The following TAC4 variants were observed in gnomAD, a reference collection of about 807,000 sequenced individuals.
TAC4 encodes the protein tachykinin-4.
TAC4 carries 17 observed loss-of-function variants against 17.7 expected under a neutral mutation model. The observed-to-expected ratio is 0.96, with a 90% CI of 0.66 to 1.44. The LOEUF (loss-of-function observed/expected upper bound fraction) is 1.44, where lower values mean the gene tolerates loss of function less well. Ranked by LOEUF, TAC4 falls within the 40% of genes most tolerant of loss-of-function variation. The pLI, the probability that TAC4 is intolerant of heterozygous loss-of-function variation, is 0.00. For synonymous variants in TAC4, 62 were observed against 52.4 expected (o/e 1.18, Z -0.79); for missense variants, 118 against 125.6 (o/e 0.94, Z 0.29).
At chr17:49,840,488 A>G (rs2074488563) in intron 3 of TAC4, among the ~76,000 whole-genome samples, 1 of 151,864 alleles carries the variant, frequency 6.6e-6, no homozygotes, top group Non-Finnish European at 1.5e-5. Flanking sequence ...TGGAGGGTAC[A>G]GGTTGGTTAC....
At chr17:49,846,906 G>A (rs926289173) in intron 1 of TAC4, 3 of 1,237,088 alleles carry the variant, frequency 2.4e-6, no homozygotes, top group Non-Finnish European at 3.1e-6. Context: ...AGCCTTGGGG[G>A]GTCACTTCCC....
chr17:49,839,062 TC>T (rs781770709), intron 4 of TAC4, among the ~76,000 whole-genome samples: 11 of 152,196 alleles, frequency 7.2e-5, no homozygotes, highest in Non-Finnish European at 1.6e-4. Context: ...CTCCTAGTAT[TC>T]CTGCCCACAC....
chr17:49,841,520 G>A (rs368046203), intron 3 of TAC4, 32 bp downstream of exon 3: 49 of 1,558,904 alleles, frequency 3.1e-5, no homozygotes, highest in Non-Finnish European at 4.1e-5. Flanking sequence ...TCCCTAGGGG[G>A]CATGTTGAAG....
intron 3 of TAC4, among the ~76,000 whole-genome samples, chr17:49,840,120 C>T (rs1464508881): frequency 1.3e-5 from 2 of 152,242 alleles, no homozygotes; most frequent in Non-Finnish European, 2.9e-5. Context: ...ATTCCCTCCT[C>T]CCCCTCCTCC....
intron 1 of TAC4, chr17:49,847,173 G>A: frequency 7.8e-7 from 1 of 1,290,092 alleles, no homozygotes; most frequent in Non-Finnish European, 1.0e-6. Flanking sequence ...GGGAATGGGA[G>A]GAGTCAGGCC....
Position 49,839,905 on chromosome 17 carries a change from A to C in TAC4, c.237T>G (p.Tyr79Ter). Residue 79 changes from tyrosine (Y) to a stop codon, truncating the protein, a stop_gained, in exon 4 of 5, where the codon TAT becomes TAG. Transcript: ENST00000436235. LOFTEE classifies it high-confidence loss of function. ...GGCCCTGGAACGTGTGTTCCAGCTG[A>C]TATGCTGGTGGTGGGAGAGAGAAGT... Reference protein sequence around the residue: ...PLIQPRRKKAYQLEHTFQGLL... With the variant: ...PLIQPRRKKA 6.2e-7 allele frequency: 1 copy of C among 1,611,650 alleles called. No homozygotes were observed. Among genetic ancestry groups the C allele is most frequent in the Admixed American group, 1.7e-5 (1 of 59,644 alleles).
At chr17:49,846,968 G>T in intron 1 of TAC4, 1 of 1,289,630 alleles carries the variant, frequency 7.8e-7, no homozygotes, top group Non-Finnish European at 1.0e-6. Flanking sequence ...GCAGGCATCA[G>T]TGGAGACACT....
intron 1 of TAC4, chr17:49,847,704 C>CAG (rs995550972): frequency 7.8e-6 from 5 of 639,810 alleles, no homozygotes; most frequent in African/African-American, 3.7e-5. Flanking sequence ...CACACACACA[C>CAG]ACACACACAC....
chr17:49,840,745 CA>C (rs2074491224), intron 3 of TAC4, among the ~76,000 whole-genome samples: 2 of 149,790 alleles, frequency 1.3e-5, no homozygotes, highest in Admixed American at 6.6e-5. Context: ...TCAGGTGATC[CA>C]CCTGCCTCGG....
rs2074519298 is a variant in TAC4 at position 49,844,162 on chromosome 17, A to G, written c.106-5T>C. 6.2e-7 allele frequency: 1 copy of G among 1,613,426 alleles called. No homozygotes were observed. The highest frequency in any genetic ancestry group is 1.3e-5 in the African/African-American group (1 of 74,904). On this transcript the variant is annotated splice_region_variant and splice_polypyrimidine_tract_variant and intron_variant, in intron 1 of 4. Transcript: ENST00000436235. Reference sequence around the variant, plus strand: ...AATGCTGGGGCCAGCGCCTTCCTGAAGAAGCAGAGAGTTAGTGTTAGAGTT... The same window carrying G: ...AATGCTGGGGCCAGCGCCTTCCTGAGGAAGCAGAGAGTTAGTGTTAGAGTT...
chr17:49,847,692 GACACACACACACACACACACAC>G (rs150685532), intron 1 of TAC4, 199 bp downstream of exon 1: 1 of 433,062 alleles, frequency 2.3e-6, no homozygotes, highest in Non-Finnish European at 4.4e-6. Context: ...CACACACACA[GACACACACACACACACACACAC>G]ACACACACAC....
chr17:49,840,973 G>A (rs1404490272), intron 3 of TAC4, among the ~76,000 whole-genome samples: 1 of 140,002 alleles, frequency 7.1e-6, no homozygotes, highest in African/African-American at 2.7e-5. Context: ...CCTGCCTCCT[G>A]GGTTCAAGTG....
chr17:49,847,749 G>T, intron 1 of TAC4, 164 bp downstream of exon 1: 3 of 1,154,242 alleles, frequency 2.6e-6, no homozygotes, highest in Non-Finnish European at 3.7e-6. Context: ...CCAGGCCAGG[G>T]CTCATAGCCT....
intron 1 of TAC4, chr17:49,847,237 T>C (rs1598107367): frequency 1.2e-5 from 15 of 1,290,014 alleles, no homozygotes; most frequent in African/African-American, 1.5e-5. Flanking sequence ...TGGCCTCTTA[T>C]TTACCCGTCT....
chr17:49,842,801 C>A (rs537986791), intron 2 of TAC4, among the ~76,000 whole-genome samples: 47 of 152,316 alleles, frequency 3.1e-4, no homozygotes, highest in African/African-American at 1.1e-3. Context: ...CCTTCTAGAA[C>A]TTTCCCCATG....
rs577971983 is a variant in TAC4, at chr17:49,838,605, G to A, written c.*37C>T. 3.6e-4 allele frequency: 577 copies of A among 1,613,510 alleles called. 3 individuals are homozygous for A. In the South Asian group the frequency reaches 5.7e-3, roughly 16 times the overall value. On this transcript the variant is annotated 3_prime_UTR_variant, in exon 5 of 5. Transcript: ENST00000436235. Reference sequence around the variant, plus strand: ...CTGTGACATCCAGGTAGGAAGAAGCGGCACCGTGTCCTCTGGGAAGTCTGT... The same window carrying A: ...CTGTGACATCCAGGTAGGAAGAAGCAGCACCGTGTCCTCTGGGAAGTCTGT...
At chr17:49,841,989 C>T (rs1476890050) in intron 2 of TAC4, among the ~76,000 whole-genome samples, 9 of 148,890 alleles carry the variant, frequency 6.0e-5, no homozygotes, top group Admixed American at 3.4e-4. Context: ...CTGCAAGCTC[C>T]GCCTCCCAGG....
At chr17:49,846,597 C>T (rs2074542464) in intron 1 of TAC4, among the ~76,000 whole-genome samples, 1 of 152,178 alleles carries the variant, frequency 6.6e-6, no homozygotes, top group Non-Finnish European at 1.5e-5. Flanking sequence ...TTATGCTTAG[C>T]ATCCCACAGC....
rs2074474912 is a variant in TAC4 at position 49,838,686 on chromosome 17, T to C, written c.293-13A>G. On this transcript the variant is annotated splice_polypyrimidine_tract_variant and intron_variant, in intron 4 of 4. Coordinates refer to ENST00000436235, the MANE Select transcript of TAC4 (RefSeq NM_001077506.2). Reference sequence around the variant, plus strand: ...TCATCCTCTCTGCCTGGGGAGAGTTTGGTATATGAACCATGGTTAGTCGGG... The same window carrying C: ...TCATCCTCTCTGCCTGGGGAGAGTTCGGTATATGAACCATGGTTAGTCGGG... 1.2e-6 allele frequency: 2 copies of C among 1,612,838 alleles called. No homozygotes were observed. Among genetic ancestry groups the C allele is most frequent in the African/African-American group, 1.3e-5 (1 of 74,970 alleles).
Sources: gnomAD v4.1 joint callset for allele counts (sites outside exome capture counted in the v4.1 genomes callset) on GRCh38, gnomAD v4.1.1 for gene constraint, MANE v1.5 for transcripts, NCBI Gene and HGNC (gene_info 2026-07-23, HGNC 2026-07-21) for gene names.